The following KCNMA1 variants were observed in gnomAD, a reference collection of about 807,000 sequenced individuals.
KCNMA1 encodes potassium calcium-activated channel subfamily M alpha 1, also known as Calcium-activated potassium channel subunit alpha-1.
In KCNMA1, 29 loss-of-function variants were observed where a neutral mutation model predicts 140.0. That is an observed-to-expected ratio of 0.21 (90% CI 0.15 to 0.28). The LOEUF is 0.28. Among genes scored for constraint, KCNMA1 ranks in the 10% least tolerant of loss-of-function variants. KCNMA1 has a pLI of 1.00. For missense variants in KCNMA1, 880 were observed against 1,602.2 expected (o/e 0.55, Z 7.70); for synonymous variants, 612 against 611.9 (o/e 1.00, Z 0.00).
At chr10:76,873,870 A>G (rs2151382677), downstream of KCNMA1, 1 of 152,348 alleles carries the variant, frequency 6.6e-6, no homozygotes, top group East Asian at 1.9e-4. Context: ...TTAATGAAAG[A>G]AAATAACCAA....
intron 23 of KCNMA1, among the ~76,000 whole-genome samples, chr10:76,916,980 T>C (rs761846757): frequency 3.0e-4 from 46 of 152,356 alleles, no homozygotes; most frequent in Non-Finnish European, 4.9e-4. Flanking sequence ...TAATACACTA[T>C]GAAAAGGGTA....
intron 14 of KCNMA1, among the ~76,000 whole-genome samples, chr10:77,061,629 C>T (rs1785313558): frequency 6.6e-6 from 1 of 152,130 alleles, no homozygotes; most frequent in African/African-American, 2.4e-5. Context: ...TAAACTTACC[C>T]TATAATCCAG....
rs114584626 is a variant in KCNMA1, at chr10:77,289,794, T to C, written c.541-38538A>G. Among the ~76,000 whole-genome samples, 947 of 152,332 alleles carry C rather than the reference T, an allele frequency of 6.2e-3. 9 individuals are homozygous for C. The highest frequency in any genetic ancestry group is 0.022 in the African/African-American group (895 of 41,580). ...TTCCTTCATGATGAAATAGATGGCC[T>C]ACTATGCTTATCCAGAGTTATTCTT... is the stretch of plus-strand genomic sequence containing the variant. On this transcript the variant is annotated intron_variant, in intron 2 of 27. Coordinates refer to ENST00000286628, the MANE Select transcript of KCNMA1 (RefSeq NM_001161352.2).
intron 1 of KCNMA1, among the ~76,000 whole-genome samples, chr10:77,482,841 A>G (rs554193156): frequency 3.6e-4 from 54 of 152,078 alleles, no homozygotes; most frequent in Non-Finnish European, 7.6e-4. Flanking sequence ...AATGTCATGC[A>G]GCATGATTTC....
intron 29 of KCNMA1, among the ~76,000 whole-genome samples, chr10:76,879,273 G>A (rs190530925): frequency 1.3e-5 from 2 of 152,168 alleles, no homozygotes; most frequent in African/African-American, 4.8e-5. Context: ...TCAAAGCCTC[G>A]CCCCAGTTTA....
chr10:76,905,001 G>T (rs2047228933), intron 25 of KCNMA1: 1 of 152,178 alleles, frequency 6.6e-6, no homozygotes, highest in African/African-American at 2.4e-5. Context: ...CAAGCCAATA[G>T]CTGCTTTACG....
intron 1 of KCNMA1, among the ~76,000 whole-genome samples, chr10:77,423,518 G>C (rs1280843438): frequency 6.6e-6 from 1 of 152,062 alleles, no homozygotes; most frequent in Non-Finnish European, 1.5e-5. Flanking sequence ...GATACCTTAG[G>C]AAAGAGCCAA....
intron 2 of KCNMA1, among the ~76,000 whole-genome samples, chr10:77,357,368 A>T (rs536729635): frequency 1.3e-5 from 2 of 152,224 alleles, no homozygotes; most frequent in Non-Finnish European, 2.9e-5. Context: ...TTCTGGTAGC[A>T]TCCTCTGGTA....
At chr10:77,144,650 T>C (rs903809944) in intron 5 of KCNMA1, among the ~76,000 whole-genome samples, 28 of 152,294 alleles carry the variant, frequency 1.8e-4, no homozygotes, top group Middle Eastern at 3.4e-3. Context: ...TCAACAGAGA[T>C]ACTCAAACAG....
chr10:77,084,666 C>T lies in KCNMA1; in HGVS notation c.1494G>A (p.Pro498=), dbSNP rs760119167. The change falls in exon 12 of 28, where the codon CCG becomes CCA. Residue 498 remains proline, a synonymous_variant. Coordinates refer to ENST00000286628, the MANE Select transcript of KCNMA1 (RefSeq NM_001161352.2). ...TGATATTCGAGGCATCCTCCGCATC[C>T]GGGTCAGCGCAGTACTTGTTGGCAA... ...LILANKYCAD[P]DAEDASNIMR... is the part of the protein sequence containing the mutation. 72 of 1,614,164 alleles carry T rather than the reference C, an allele frequency of 4.5e-5. No homozygotes were observed. The highest frequency in any genetic ancestry group is 3.3e-4 in the Middle Eastern group (2 of 6,060).
At chr10:76,877,665 T>C (rs149441890), downstream of KCNMA1, 3 of 1,406,682 alleles carry the variant, frequency 2.1e-6, no homozygotes, top group African/African-American at 4.3e-5. Flanking sequence ...TGATTCAGCA[T>C]GTAAGAAGAA....
Position 76,886,057 on chromosome 10 carries a change from A to G in KCNMA1, c.*1209T>C. The G allele has an allele frequency of 1.0e-6, 1 of 985,440 alleles. No homozygotes were observed. Among genetic ancestry groups the G allele is most frequent in the African/African-American group, 1.7e-5 (1 of 57,364 alleles). The allele number at this position is 985,440 out of a possible 1,614,324, so 61.0% of individuals were successfully genotyped here. A position where few individuals can be genotyped will look rare whatever the true frequency, so the allele number is the denominator to read the frequency against. Reference sequence around the variant, plus strand: ...GCCAGCACCGCACAGCTGTGCCAACAGTTGAAGGTGGTGGCTGGCTTTTGT... The same window carrying G: ...GCCAGCACCGCACAGCTGTGCCAACGGTTGAAGGTGGTGGCTGGCTTTTGT... On this transcript the variant is annotated 3_prime_UTR_variant, in exon 28 of 28. Transcript: ENST00000286628.
At chr10:76,985,359 G>A (rs150628357) in intron 19 of KCNMA1, among the ~76,000 whole-genome samples, 2 of 152,142 alleles carry the variant, frequency 1.3e-5, no homozygotes, top group East Asian at 1.9e-4. Context: ...CATGAATTTC[G>A]ATGTACTAAG....
intron 19 of KCNMA1, among the ~76,000 whole-genome samples, chr10:76,991,184 T>C (rs2082656549): frequency 6.6e-6 from 1 of 152,218 alleles, no homozygotes; most frequent in African/African-American, 2.4e-5. Context: ...GGTTTTATGC[T>C]GCCCTGACTC....
intron 5 of KCNMA1, among the ~76,000 whole-genome samples, chr10:77,129,326 T>A (rs1402732513): frequency 1.3e-5 from 2 of 152,168 alleles, no homozygotes; most frequent in African/African-American, 4.8e-5. Context: ...TGCTTTAGAG[T>A]ATCTTTTATT....
At chr10:77,609,339 C>G (rs2154567725) in intron 1 of KCNMA1, among the ~76,000 whole-genome samples, 1 of 152,180 alleles carries the variant, frequency 6.6e-6, no homozygotes, top group South Asian at 2.1e-4. Context: ...TGAAATAAGC[C>G]AGGGATAGGA....
At chr10:77,637,051 C>T (rs1277854111) in intron 1 of KCNMA1, 1 of 1,390,166 alleles carries the variant, frequency 7.2e-7, no homozygotes, top group Non-Finnish European at 9.3e-7. Context: ...CGTCCCGGAG[C>T]GCACTGGCTG....
At chr10:77,444,391 T>C (rs2097480859) in intron 1 of KCNMA1, among the ~76,000 whole-genome samples, 2 of 152,208 alleles carry the variant, frequency 1.3e-5, no homozygotes, top group African/African-American at 4.8e-5. Flanking sequence ...AAGAGAACTT[T>C]TCTCTGTCTT....
rs2097528269 is a variant in KCNMA1, at chr10:77,446,286, A to C, written c.379-42263T>G. Among the ~76,000 whole-genome samples the C allele has an allele frequency of 2.6e-5, 4 of 152,218 alleles. No homozygotes were observed. In the South Asian group the frequency reaches 8.3e-4, roughly 32 times the overall value. On this transcript the variant is annotated intron_variant, in intron 1 of 27. Transcript: ENST00000286628. ...AGTCTGGAGCTGTCTGAGGAAACAG[A>C]TAAGCCATCCAGGCCAAAGACCAGC...
Sources: gnomAD v4.1 joint callset for allele counts (sites outside exome capture counted in the v4.1 genomes callset) on GRCh38, gnomAD v4.1.1 for gene constraint, MANE v1.5 for transcripts, NCBI Gene and HGNC (gene_info 2026-07-23, HGNC 2026-07-21) for gene names.